Variants in CNTROB observed in about 807,000 individuals in gnomAD.
The protein encoded by CNTROB is centrobin.
Under a neutral mutation model 115.7 loss-of-function variants are expected in CNTROB, and 82 were observed. The observed-to-expected ratio is 0.71, with a 90% CI of 0.59 to 0.85. CNTROB has a LOEUF of 0.85. Ranked by LOEUF, CNTROB falls within the 40% of genes least tolerant of loss-of-function variation. The probability of loss-of-function intolerance (pLI) is 0.00; values close to 1 mark genes in which losing one functional copy is unlikely to be tolerated. For missense variants in CNTROB, 1,014 were observed against 1,144.4 expected (o/e 0.89, Z 1.64); for synonymous variants, 439 against 456.4 (o/e 0.96, Z 0.49).
At chr17:7,949,062 C>T (rs1444793530) in intron 17 of CNTROB, 23 bp from the exon 18 acceptor site, 1 of 1,613,682 alleles carries the variant, frequency 6.2e-7, no homozygotes, top group East Asian at 2.2e-5. Flanking sequence ...TCCCCATCCT[C>T]ATACCTTTGA....
intron 2 of CNTROB, 91 bp downstream of exon 2, chr17:7,934,313 T>C: frequency 7.1e-7 from 1 of 1,404,258 alleles, no homozygotes; most frequent in Non-Finnish European, 1.0e-6. Flanking sequence ...GGAAAACCTC[T>C]GAGCAAGAGA....
At chr17:7,942,596 CA>C (rs377086554) in intron 9 of CNTROB, among the ~76,000 whole-genome samples, 511 of 56,456 alleles carry the variant, frequency 9.1e-3, no homozygotes, top group Middle Eastern at 0.013. Flanking sequence ...GACTCCATCT[CA>C]AAAAAAAAAA....
rs965013120 is a variant in CNTROB, at chr17:7,945,797, A to G, written c.1804A>G (p.Met602Val). 1.1e-5 allele frequency: 17 copies of G among 1,614,054 alleles called. No individual in the cohort carries two copies. The Admixed American group carries it at 1.5e-4, about 14-fold the overall frequency. Residue 602 changes from methionine to valine, a missense_variant, in exon 13 of 19, where the codon ATG becomes GTG. Coordinates refer to ENST00000563694, the MANE Select transcript of CNTROB (RefSeq NM_053051.5). ...PEKEERRVWTMPPMAVALKPV... is the reference protein window; with the variant it reads ...PEKEERRVWTVPPMAVALKPV... ...GAAGGAGGAGAGGAGGGTCTGGACT[A>G]TGCCTCCCATGGCCGTGGCCCTGAA...
At position 7,940,048 on chromosome 17, in the gene CNTROB, G is replaced by A. The variant is rs780315370; in HGVS notation, c.1165-48G>A. ...ATGAACTGGGGAGTGTAGGTAACCAGGAGATAAGAAATGAGGTATGTATAT... is the reference window on the plus strand; with the variant it reads ...ATGAACTGGGGAGTGTAGGTAACCAAGAGATAAGAAATGAGGTATGTATAT... On this transcript the variant is annotated intron_variant, in intron 8 of 18. Transcript: ENST00000563694. 18 of 1,527,176 alleles carry A rather than the reference G, an allele frequency of 1.2e-5. No individual in the cohort carries two copies. In the African/African-American group the frequency reaches 2.1e-4, roughly 18 times the overall value. The allele number at this position is 1,527,176 out of a possible 1,614,324, so 94.6% of individuals were successfully genotyped here.
rs1567920305 is a variant in CNTROB at position 7,940,140 on chromosome 17, C to T, written c.1209C>T (p.His403=). Residue 403 remains histidine, a synonymous_variant, in exon 9 of 19, where the codon CAC becomes CAT. Transcript: ENST00000563694. Reference sequence around the variant, plus strand: ...CCCAGGCCGCCTGGGAGACCCAGCACCAGTTGGCATTGGTGCAGTCTGAGG... The same window carrying T: ...CCCAGGCCGCCTGGGAGACCCAGCATCAGTTGGCATTGGTGCAGTCTGAGG... ...REAQAAWETQ[H]QLALVQSEVR... is the part of the protein sequence containing the mutation. 1 of 1,612,454 alleles carries T rather than the reference C, an allele frequency of 6.2e-7. No individual in the cohort carries two copies. The highest frequency in any genetic ancestry group is 1.1e-5 in the South Asian group (1 of 90,906).
At chr17:7,936,657 C>T in intron 5 of CNTROB, 44 bp from the exon 6 acceptor site, 1 of 939,158 alleles carries the variant, frequency 1.1e-6, no homozygotes. Flanking sequence ...TAGAAAGAGG[C>T]AAAAAAGTTA....
chr17:7,935,144 A>C lies in CNTROB; in HGVS notation c.593A>C (p.Lys198Thr), dbSNP rs1972999962. The C allele has an allele frequency of 6.2e-7, 1 of 1,614,044 alleles. No homozygotes were observed. Among genetic ancestry groups the C allele is most frequent in the African/African-American group, 1.3e-5 (1 of 74,930 alleles). The change falls in exon 4 of 19, where the codon AAG becomes ACG. Residue 198 changes from lysine (K) to threonine (T), a missense_variant and splice_region_variant. Transcript: ENST00000563694. ...TTGGATTCAGAGCATACCCGCCGCAAGGTAAGATGCAAACGCTTCCTTTCG... is the reference window on the plus strand; with the variant it reads ...TTGGATTCAGAGCATACCCGCCGCACGGTAAGATGCAAACGCTTCCTTTCG... ...DALDSEHTRR[K>T]HCERHIQSLQ...
chr17:7,947,017 C>T (rs753355169), intron 13 of CNTROB, among the ~76,000 whole-genome samples: 12 of 151,802 alleles, frequency 7.9e-5, no homozygotes, highest in South Asian at 4.2e-4. Flanking sequence ...AAAAGTTAGC[C>T]GGGCGTGGTG....
At chr17:7,937,349 A>T (rs935143058) in intron 7 of CNTROB, 87 bp downstream of exon 7, 7 of 1,524,516 alleles carry the variant, frequency 4.6e-6, no homozygotes, top group Non-Finnish European at 6.3e-6. Flanking sequence ...GTGGGAGATT[A>T]TAATTTGAGT....
rs371893023 is a variant in CNTROB, at chr17:7,948,541, G to C, written c.2435G>C (p.Arg812Pro). 2 of 1,614,026 alleles carry C rather than the reference G, an allele frequency of 1.2e-6. No homozygotes were observed. Among genetic ancestry groups the C allele is most frequent in the African/African-American group, 2.7e-5 (2 of 74,998 alleles). The part of the protein sequence containing the change: ...RQLMEVSQLL[R>P]LYQARGWGAL... ...CTGATGGAGGTGTCTCAACTGTTGC[G>C]ACTCTACCAGGCTCGGGGCTGGGGG... Residue 812 changes from arginine (R) to proline (P), a missense_variant, in exon 17 of 19, where the codon CGA becomes CCA. By Grantham distance (103) the Arg-to-Pro change is moderately radical. Coordinates refer to ENST00000563694, the MANE Select transcript of CNTROB (RefSeq NM_053051.5). This position sits in a 1 kb window ranked among gnomAD's most constrained non-coding sequence, Gnocchi z 4.4.
chr17:7,948,788 T>C lies in CNTROB; in HGVS notation c.2513+169T>C. 3 of 1,532,904 alleles carry C rather than the reference T, an allele frequency of 2.0e-6. No individual in the cohort carries two copies. Among genetic ancestry groups the C allele is most frequent in the Non-Finnish European group, 2.6e-6 (3 of 1,137,222 alleles). 95.0% of individuals were successfully genotyped at this position (1,532,904 alleles called of 1,614,324 possible). On this transcript the variant is annotated intron_variant, in intron 17 of 18. Transcript: ENST00000563694. This position sits in a 1 kb window ranked among gnomAD's most constrained non-coding sequence, Gnocchi z 4.4. ...TCTCTAACTGCCCCACACTTTTCTT[T>C]TATCTCCTCCTTTCTATTGCTTTTT...
Position 7,932,888 on chromosome 17 carries a change from C to T in CNTROB, c.-192C>T. The stretch of plus-strand genomic sequence containing the variant: ...GGAAAGGGATGCTTTTGCCCACTCC[C>T]ATGGCCCCTGGAACTGGTGGAAACC... On this transcript the variant is annotated 5_prime_UTR_variant, in exon 1 of 19. Transcript: ENST00000563694. 2 of 621,834 alleles carry T rather than the reference C, an allele frequency of 3.2e-6. No individual in the cohort carries two copies. The highest frequency in any genetic ancestry group is 5.6e-6 in the Non-Finnish European group (2 of 359,280). The allele number at this position is 621,834 out of a possible 1,614,324, so 38.5% of individuals were successfully genotyped here. A position where few individuals can be genotyped will look rare whatever the true frequency, so the allele number is the denominator to read the frequency against.
At position 7,936,404 on chromosome 17, in the gene CNTROB, GT is replaced by G; in HGVS notation, c.635del (p.Leu212Ter). Reference protein sequence around the residue: ...RHIQSLQTRVLELQQQLAVAV... With the variant: ...RHIQSLQTRVXELQQQLAVAV... ...ATATTCAGAGCCTGCAGACCCGAGT[GT>G]TAGAGCTACAGCAACAATTAGCCGT... is the stretch of plus-strand genomic sequence containing the variant. On this transcript the variant is annotated frameshift_variant, in exon 5 of 19. Transcript: ENST00000563694. LOFTEE classifies it high-confidence loss of function. 6.4e-7 allele frequency: 1 copy of G among 1,563,788 alleles called. No individual in the cohort carries two copies. Among genetic ancestry groups the G allele is most frequent in the Non-Finnish European group, 8.8e-7 (1 of 1,134,076 alleles).
chr17:7,934,329 G>T, intron 2 of CNTROB, 107 bp downstream of exon 2: 1 of 1,363,506 alleles, frequency 7.3e-7, no homozygotes, highest in Non-Finnish European at 1.0e-6. Flanking sequence ...AGAGATTTCA[G>T]GAGAAAAGTC....
chr17:7,946,494 C>T (rs187470875), intron 13 of CNTROB, among the ~76,000 whole-genome samples: 35 of 152,236 alleles, frequency 2.3e-4, no homozygotes, highest in African/African-American at 8.2e-4. Context: ...GGTGTCCACC[C>T]CTAGTTTAAT....
rs113686467 is a variant in CNTROB at position 7,938,032 on chromosome 17, G to C, written c.927+770G>C. ...TTTTTTTTTTTTTTGAGACAGGGTC[G>C]CGCTCTGTTGTCCAGGCTGGAGTGC... On this transcript the variant is annotated intron_variant, in intron 7 of 18. Transcript: ENST00000563694. Among the ~76,000 whole-genome samples the C allele has an allele frequency of 2.1e-5, 3 of 141,848 alleles. No individual in the cohort carries two copies. The East Asian group carries it at 6.2e-4, about 29-fold the overall frequency. The allele number at this position is 141,848 out of a possible 152,430, so 93.1% of individuals were successfully genotyped here.
rs756863686 is a variant in CNTROB at position 7,948,214 on chromosome 17, C to T, written c.2267C>T (p.Pro756Leu). The T allele has an allele frequency of 6.2e-7, 1 of 1,614,224 alleles. No individual in the cohort carries two copies. The highest frequency in any genetic ancestry group is 8.5e-7 in the Non-Finnish European group (1 of 1,180,042). ...EAPQVPRIPP[P>L]VHKTKVPLAM... is the part of the protein sequence containing the mutation. ...CCTCAAGTGCCACGTATTCCACCGC[C>T]TGTCCACAAAACCAAAGTTCCCTTA... The change falls in exon 16 of 19, where the codon CCT becomes CTT. Residue 756 changes from proline to leucine, a missense_variant. By Grantham distance (98) the Pro-to-Leu change is moderately conservative. Coordinates refer to ENST00000563694, the MANE Select transcript of CNTROB (RefSeq NM_053051.5). This position sits in a 1 kb window ranked among gnomAD's most constrained non-coding sequence, Gnocchi z 4.4.
chr17:7,936,450 A>G lies in CNTROB; in HGVS notation c.679A>G (p.Lys227Glu), dbSNP rs1368465702. 1 of 1,525,492 alleles carries G rather than the reference A, an allele frequency of 6.6e-7. No homozygotes were observed. Among genetic ancestry groups the G allele is most frequent in the Non-Finnish European group, 9.1e-7 (1 of 1,099,166 alleles). The allele number at this position is 1,525,492 out of a possible 1,614,324, so 94.5% of individuals were successfully genotyped here. Residue 227 changes from lysine to glutamate, a missense_variant, in exon 5 of 19, where the codon AAG (lysine) becomes GAG (glutamate). Physicochemically the swap from Lys to Glu is moderately conservative, Grantham distance 56. Transcript: ENST00000563694. ...QLAVAVAADR[K>E]KDTMIEQLDK... Reference sequence around the variant, plus strand: ...AGCCGTGGCTGTGGCTGCCGACCGCAAGAAAGATACCATGATTGAACAACT... The same window carrying G: ...AGCCGTGGCTGTGGCTGCCGACCGCGAGAAAGATACCATGATTGAACAACT...
chr17:7,939,012 C>T lies in CNTROB; in HGVS notation c.928-501C>T. On this transcript the variant is annotated intron_variant, in intron 7 of 18. Coordinates refer to ENST00000563694, the MANE Select transcript of CNTROB (RefSeq NM_053051.5). This position sits in a 1 kb window ranked among gnomAD's most constrained non-coding sequence, Gnocchi z 4.4. The stretch of plus-strand genomic sequence containing the variant: ...CAGGCTGGTCCCAAACTCCTGACCT[C>T]AGATGATCTGCCTGCCTCAGCCTCC... Among the ~76,000 whole-genome samples, 1 of 152,172 alleles carries T rather than the reference C, an allele frequency of 6.6e-6. No individual in the cohort carries two copies. The highest frequency in any genetic ancestry group is 1.9e-4 in the East Asian group (1 of 5,196).
Sources: allele counts gnomAD v4.1 joint callset (sites outside exome capture counted in the v4.1 genomes callset), GRCh38; gene constraint gnomAD v4.1.1; non-coding constraint Gnocchi (gnomAD v3.1); transcripts MANE v1.5; gene names NCBI Gene and HGNC (gene_info 2026-07-23, HGNC 2026-07-21).